Variants in FHIT observed in about 807,000 individuals in gnomAD.
The protein encoded by FHIT is bis(5'-adenosyl)-triphosphatase.
Under a neutral mutation model 17.9 loss-of-function variants are expected in FHIT, and 19 were observed. The ratio of observed to expected loss-of-function variants is 1.06; its 90% CI spans 0.74 to 1.56. FHIT has a LOEUF of 1.56. FHIT is among the 40% of genes most tolerant of loss of function. The pLI is 0.00. For synonymous variants in FHIT, 81 were observed against 69.7 expected, an observed-to-expected ratio of 1.16 and a Z score of -0.81; for missense variants, 248 against 189.2, an observed-to-expected ratio of 1.31 and a Z score of -1.82.
intron 7 of FHIT, among the ~76,000 whole-genome samples, chr3:60,010,900 CAGG>C (rs1042250495): frequency 2.6e-5 from 4 of 151,718 alleles, no homozygotes; most frequent in African/African-American, 7.3e-5. Flanking sequence ...GAGAGAAGCA[CAGG>C]AGAACAGAAA....
intron 5 of FHIT, among the ~76,000 whole-genome samples, chr3:60,344,410 T>C (rs1198339547): frequency 6.6e-6 from 1 of 152,202 alleles, no homozygotes; most frequent in African/African-American, 2.4e-5. Flanking sequence ...TTTGTATCTA[T>C]TTTCTCCATA....
chr3:60,965,764 A>C (rs988699023), intron 3 of FHIT, among the ~76,000 whole-genome samples: 7 of 152,188 alleles, frequency 4.6e-5, no homozygotes, highest in Non-Finnish European at 8.8e-5. Flanking sequence ...AATATTGCAG[A>C]ATGGCAAATG....
chr3:59,813,154 C>T (rs1197917138), intron 8 of FHIT, among the ~76,000 whole-genome samples: 2 of 152,184 alleles, frequency 1.3e-5, no homozygotes. Flanking sequence ...ATCATTATTT[C>T]ATTAATGAAA....
intron 2 of FHIT, among the ~76,000 whole-genome samples, chr3:61,170,901 T>A (rs923974642): frequency 6.6e-6 from 1 of 152,152 alleles, no homozygotes; most frequent in African/African-American, 2.4e-5. Context: ...GATTTTTCCA[T>A]AATCCCACTG....
intron 8 of FHIT, among the ~76,000 whole-genome samples, chr3:59,794,862 C>CT (rs1184132003): frequency 6.6e-6 from 1 of 152,062 alleles, no homozygotes; most frequent in Non-Finnish European, 1.5e-5. Context: ...GAGGGAAGGC[C>CT]TTTTTTTGGT....
intron 7 of FHIT, among the ~76,000 whole-genome samples, chr3:59,967,857 A>T (rs1475740144): frequency 6.6e-6 from 1 of 152,128 alleles, no homozygotes; most frequent in Non-Finnish European, 1.5e-5. Context: ...AAGGAGAAGG[A>T]AGAAGAAAGT....
chr3:60,053,442 T>C (rs1701962998), intron 5 of FHIT, among the ~76,000 whole-genome samples: 2 of 150,254 alleles, frequency 1.3e-5, no homozygotes, highest in Admixed American at 1.3e-4. Flanking sequence ...AATCTTAAGT[T>C]AGTATTTTCT....
chr3:60,381,478 CAA>C (rs370838809), intron 5 of FHIT, among the ~76,000 whole-genome samples: 2 of 115,276 alleles, frequency 1.7e-5, no homozygotes, highest in African/African-American at 3.2e-5. Context: ...AACTCCATCT[CAA>C]AAAAAAAAAG....
At chr3:60,032,517 C>T (rs1366108107) in intron 5 of FHIT, among the ~76,000 whole-genome samples, 2 of 151,966 alleles carry the variant, frequency 1.3e-5, no homozygotes, top group East Asian at 1.9e-4. Flanking sequence ...GCGTCACCAA[C>T]AGCCAAAAAG....
At chr3:61,091,550 A>G (rs1407395222) in intron 2 of FHIT, among the ~76,000 whole-genome samples, 1 of 152,170 alleles carries the variant, frequency 6.6e-6, no homozygotes. Context: ...TTTGGGGTCA[A>G]GCAACGCAGA....
intron 5 of FHIT, among the ~76,000 whole-genome samples, chr3:60,145,987 A>G (rs1339247433): frequency 6.6e-6 from 1 of 152,200 alleles, no homozygotes; most frequent in Non-Finnish European, 1.5e-5. Flanking sequence ...CAACAGGGAC[A>G]TACAGCTTTG....
At chr3:60,686,965 G>A (rs1716732) in intron 4 of FHIT, among the ~76,000 whole-genome samples, 118,975 of 152,174 alleles carry the variant, frequency 0.78, 47,830 homozygotes, top group Non-Finnish European at 0.88. Flanking sequence ...TGTTGTTGCT[G>A]CTGTTTGTGT....
At chr3:60,612,508 G>C (rs1463444743) in intron 4 of FHIT, among the ~76,000 whole-genome samples, 7 of 152,172 alleles carry the variant, frequency 4.6e-5, no homozygotes, top group Non-Finnish European at 7.3e-5. Context: ...TAGCAGCAGA[G>C]TATAAATATT....
intron 3 of FHIT, among the ~76,000 whole-genome samples, chr3:60,871,436 A>G (rs562151119): frequency 2.6e-5 from 4 of 152,108 alleles, no homozygotes; most frequent in African/African-American, 9.7e-5. Context: ...TGCTACCAGA[A>G]GTCTAATAAC....
rs563992117 is a variant in FHIT at position 60,534,439 on chromosome 3, C to CAAAAAAAAAA, written c.103+2411_103+2420dup. On this transcript the variant is annotated intron_variant, in intron 5 of 9. Transcript: ENST00000492590. ...TGGGCGACAGAGCGAGACTCCGTCT[C>CAAAAAAAAAA]AAAAAAAAAAAAAAAAAAAAAAAAG... Among the ~76,000 whole-genome samples, 47 of 32,384 alleles carry CAAAAAAAAAA rather than the reference C, an allele frequency of 1.5e-3. 2 individuals are homozygous for CAAAAAAAAAA. The highest frequency in any genetic ancestry group is 3.0e-3 in the African/African-American group (23 of 7,722). The allele number at this position is 32,384 out of a possible 152,430, so 21.2% of individuals were successfully genotyped here.
intron 4 of FHIT, among the ~76,000 whole-genome samples, chr3:60,698,130 C>G (rs782483343): frequency 1.4e-4 from 21 of 152,210 alleles, no homozygotes; most frequent in Admixed American, 2.6e-4. Context: ...TTGTAAAAGC[C>G]AGAGTCTTTT....
intron 3 of FHIT, among the ~76,000 whole-genome samples, chr3:60,955,616 A>ATACATATATATATATACG (rs1559862356): frequency 2.4e-4 from 3 of 12,376 alleles, no homozygotes; most frequent in Non-Finnish European, 8.9e-4. Flanking sequence ...ATATATATAT[A>ATACATATATATATATACG]TATATATATA....
intron 5 of FHIT, among the ~76,000 whole-genome samples, chr3:60,502,920 TC>T (rs2034580294): frequency 6.6e-6 from 1 of 152,216 alleles, no homozygotes; most frequent in Non-Finnish European, 1.5e-5. Flanking sequence ...ACTTAGTTAC[TC>T]CTATTTAGAT....
intron 4 of FHIT, among the ~76,000 whole-genome samples, chr3:60,574,093 A>G (rs2107668221): frequency 6.6e-6 from 1 of 152,238 alleles, no homozygotes; most frequent in Non-Finnish European, 1.5e-5. Context: ...TACAGACGGG[A>G]GCCACCACGT....
Sources: allele counts gnomAD v4.1 joint callset (sites outside exome capture counted in the v4.1 genomes callset), GRCh38; gene constraint gnomAD v4.1.1; transcripts MANE v1.5; gene names NCBI Gene and HGNC (gene_info 2026-07-23, HGNC 2026-07-21).